Variants in RBFOX1 observed in about 807,000 individuals in gnomAD.
RBFOX1 encodes RNA binding protein fox-1 homolog 1.
In RBFOX1, 8 loss-of-function variants were observed where a neutral mutation model predicts 57.7. The ratio of observed to expected loss-of-function variants is 0.14; its 90% confidence interval spans 0.08 to 0.25. RBFOX1 has a LOEUF of 0.25. RBFOX1 is among the 10% of genes least tolerant of loss of function. RBFOX1 has a pLI of 1.00. For synonymous variants in RBFOX1, 326 were observed against 222.4 expected (o/e 1.47, Z -4.15); for missense variants, 611 against 548.5 (o/e 1.11, Z -1.14).
At chr16:5,437,722 C>G (rs528671896) in intron 1 of RBFOX1, among the ~76,000 whole-genome samples, 2 of 152,238 alleles carry the variant, frequency 1.3e-5, no homozygotes, top group Non-Finnish European at 2.9e-5. Context: ...TCAGAAGAAA[C>G]TGTCCTGCAA....
At chr16:6,178,178 T>TCAC (rs1555537959) in intron 1 of RBFOX1, among the ~76,000 whole-genome samples, 2 of 33,996 alleles carry the variant, frequency 5.9e-5, no homozygotes, top group South Asian at 2.0e-3. Flanking sequence ...AAGGTCACTC[T>TCAC]TTTTTTTTTT....
chr16:5,408,576 C>T (rs1403218182), intron 1 of RBFOX1, among the ~76,000 whole-genome samples: 3 of 152,192 alleles, frequency 2.0e-5, no homozygotes, highest in East Asian at 3.9e-4. Context: ...CTTCCTGCTT[C>T]GGGTGTGTGG....
intron 10 of RBFOX1, among the ~76,000 whole-genome samples, chr16:7,618,440 T>G (rs1226861473): frequency 2.0e-5 from 3 of 152,184 alleles, no homozygotes; most frequent in Non-Finnish European, 4.4e-5. Flanking sequence ...ATCTAGTGCC[T>G]AGGACAAAGG....
At chr16:5,658,788 A>G (rs2049543217) in intron 3 of RBFOX1, among the ~76,000 whole-genome samples, 1 of 136,512 alleles carries the variant, frequency 7.3e-6, no homozygotes, top group South Asian at 2.1e-4. Context: ...ATATGTATAT[A>G]TATAATATAT....
rs570927356 is a variant in RBFOX1 at position 6,273,992 on chromosome 16, G to T, written c.-126-43003G>T. 2.6e-5 allele frequency among the ~76,000 whole-genome samples: 4 copies of T among 152,286 alleles called. No individual in the cohort carries two copies. In the East Asian group the frequency reaches 5.8e-4, roughly 22 times the overall value. On this transcript the variant is annotated intron_variant, in intron 1 of 15. Transcript: ENST00000550418. Reference sequence around the variant, plus strand: ...AGGAAATGAAAATTAAAACTGCAGTGTGGTATCAGTGCACACCTATCAGAA... The same window carrying T: ...AGGAAATGAAAATTAAAACTGCAGTTTGGTATCAGTGCACACCTATCAGAA...
At chr16:7,018,443 G>T (rs143923177) in intron 3 of RBFOX1, among the ~76,000 whole-genome samples, 1 of 152,126 alleles carries the variant, frequency 6.6e-6, no homozygotes, top group Non-Finnish European at 1.5e-5. Flanking sequence ...AATTGCTCCT[G>T]TTTTTGAAAT....
intron 1 of RBFOX1, among the ~76,000 whole-genome samples, chr16:6,064,149 T>C (rs1420882094): frequency 6.6e-6 from 1 of 152,220 alleles, no homozygotes; most frequent in Non-Finnish European, 1.5e-5. Context: ...TTCAGCTACA[T>C]GATCATCTGT....
rs149025775 is a variant in RBFOX1, at chr16:6,297,274, G to A, written c.-126-19721G>A. Among the ~76,000 whole-genome samples, 431 of 152,198 alleles carry A rather than the reference G, an allele frequency of 2.8e-3. 2 individuals are homozygous for A. The highest frequency in any genetic ancestry group is 0.01 in the African/African-American group (417 of 41,532). On this transcript the variant is annotated intron_variant, in intron 1 of 15. Coordinates refer to ENST00000550418, the MANE Select transcript of RBFOX1 (RefSeq NM_018723.4). The stretch of plus-strand genomic sequence containing the variant: ...TCCTCTGACTTAGAATGCCTTAACT[G>A]TCTGGGAATGCAGCCCAGTAGGTCT...
In RBFOX1 at chr16:5,682,049, A is replaced by G. The variant is rs1318956442; in HGVS notation, c.318+83088A>G. ...GATATTAGAATGCTCTGCACCTCCTAGGTCTCTGGGGCTGTGATACATTCA... is the reference window on the plus strand; with the variant it reads ...GATATTAGAATGCTCTGCACCTCCTGGGTCTCTGGGGCTGTGATACATTCA... On this transcript the variant is annotated intron_variant, in intron 3 of 19. Transcript: ENST00000641259. Among the ~76,000 whole-genome samples the G allele has an allele frequency of 2.0e-5, 3 of 152,132 alleles. No individual in the cohort carries two copies. The East Asian group carries it at 5.8e-4, about 29-fold the overall frequency.
At chr16:7,503,559 T>G (rs1195912232) in intron 4 of RBFOX1, among the ~76,000 whole-genome samples, 2 of 152,290 alleles carry the variant, frequency 1.3e-5, no homozygotes, top group Middle Eastern at 3.4e-3. Flanking sequence ...GTCATCTAAA[T>G]TTATCTTGAA....
intron 4 of RBFOX1, among the ~76,000 whole-genome samples, chr16:6,008,590 A>G (rs1233371688): frequency 6.6e-6 from 1 of 152,156 alleles, no homozygotes; most frequent in Non-Finnish European, 1.5e-5. Context: ...CTGGAGTCAT[A>G]TCCCAGAGCT....
chr16:7,191,703 G>T (rs912417436), intron 4 of RBFOX1, among the ~76,000 whole-genome samples: 1 of 152,256 alleles, frequency 6.6e-6, no homozygotes, highest in Non-Finnish European at 1.5e-5. Flanking sequence ...ACTGTCTTCA[G>T]TTGTTTTAAA....
chr16:6,971,437 AG>A (rs1251972369), intron 3 of RBFOX1, among the ~76,000 whole-genome samples: 2 of 151,428 alleles, frequency 1.3e-5, no homozygotes, highest in African/African-American at 4.9e-5. Context: ...ATGGGTTTGG[AG>A]GGGTTGGCAG....
chr16:7,595,402 C>G, intron 7 of RBFOX1, 147 bp from the exon 8 acceptor site: 1 of 517,462 alleles, frequency 1.9e-6, no homozygotes, highest in Non-Finnish European at 3.3e-6. Flanking sequence ...TTGCACATCT[C>G]AGTACTCTTA....
chr16:7,483,203 G>A (rs556127287), intron 4 of RBFOX1, among the ~76,000 whole-genome samples: 4 of 152,268 alleles, frequency 2.6e-5, no homozygotes, highest in African/African-American at 4.8e-5. Flanking sequence ...ATGTGACTGC[G>A]GAAATAGACT....
intron 1 of RBFOX1, among the ~76,000 whole-genome samples, chr16:6,207,326 A>G (rs532142992): frequency 6.6e-6 from 1 of 152,314 alleles, no homozygotes; most frequent in Non-Finnish European, 1.5e-5. Context: ...GAAAGCCATA[A>G]ATGAGGCTGA....
At chr16:7,654,358 C>T (rs1190806961) in intron 12 of RBFOX1, among the ~76,000 whole-genome samples, 7 of 152,138 alleles carry the variant, frequency 4.6e-5, no homozygotes, top group Non-Finnish European at 1.5e-5. Flanking sequence ...TCACTGGGGT[C>T]GTCTTGCTCG....
At chr16:6,962,774 A>G (rs2083294555) in intron 3 of RBFOX1, among the ~76,000 whole-genome samples, 1 of 152,094 alleles carries the variant, frequency 6.6e-6, no homozygotes, top group African/African-American at 2.4e-5. Flanking sequence ...CTGAGGTGAA[A>G]AGATCACTTG....
intron 1 of RBFOX1, among the ~76,000 whole-genome samples, chr16:6,152,796 A>G (rs1211680094): frequency 6.6e-6 from 1 of 152,142 alleles, no homozygotes; most frequent in Admixed American, 6.6e-5. Context: ...CTGTTCCTGA[A>G]CATCTGTCTA....
Sources: gnomAD v4.1 joint callset for allele counts (sites outside exome capture counted in the v4.1 genomes callset) on GRCh38, gnomAD v4.1.1 for gene constraint, MANE v1.5 for transcripts, NCBI Gene and HGNC (gene_info 2026-07-23, HGNC 2026-07-21) for gene names.